KCNK10: variants seen among roughly 807,000 people sequenced by gnomAD.
KCNK10 encodes potassium channel subfamily K member 10.
In KCNK10, 25 loss-of-function variants were observed where a neutral mutation model predicts 47.7. That is an observed-to-expected ratio of 0.52 (90% CI 0.38 to 0.73). KCNK10 has a LOEUF of 0.73. KCNK10 is among the 30% of genes least tolerant of loss of function. The probability of loss-of-function intolerance (pLI) is 0.00; values close to 1 mark genes in which losing one functional copy is unlikely to be tolerated. For missense variants in KCNK10, 563 were observed against 714.5 expected (o/e 0.79, Z 2.42); for synonymous variants, 303 against 285.6 (o/e 1.06, Z -0.61).
chr14:88,251,232 CAAAAAAAAA>C (rs1160023262), intron 2 of KCNK10, among the ~76,000 whole-genome samples: 3 of 70,204 alleles, frequency 4.3e-5, no homozygotes, highest in Admixed American at 1.8e-4. Context: ...GACTCTGTCT[CAAAAAAAAA>C]AAAAAAAAAA....
chr14:88,293,820 C>T lies in KCNK10; in HGVS notation c.52+28927G>A, dbSNP rs187392309. Among the ~76,000 whole-genome samples, 57 of 151,952 alleles carry T rather than the reference C, an allele frequency of 3.8e-4. 1 individual carries two copies. The highest frequency in any genetic ancestry group is 1.4e-3 in the African/African-American group (56 of 41,450). Reference sequence around the variant, plus strand: ...TCTCCCAAGCAGCTGGGACTATAGGCATGCACCACCACACTTGGCTAATTT... The same window carrying T: ...TCTCCCAAGCAGCTGGGACTATAGGTATGCACCACCACACTTGGCTAATTT... On this transcript the variant is annotated intron_variant, in intron 1 of 6. Coordinates refer to ENST00000319231, the MANE Select transcript of KCNK10 (RefSeq NM_138317.3).
chr14:88,326,634 C>G, upstream of KCNK10: 9 of 587,922 alleles, frequency 1.5e-5, no homozygotes, highest in South Asian at 1.9e-4. Flanking sequence ...GCAGGAGACC[C>G]GGGCTGGCGG....
At chr14:88,264,390 T>C (rs74634836) in intron 1 of KCNK10, among the ~76,000 whole-genome samples, 2,051 of 152,364 alleles carry the variant, frequency 0.013, 18 homozygotes, top group Non-Finnish European at 0.021. Context: ...TTCAGTTTTG[T>C]TCTCCCTTTA....
intron 1 of KCNK10, among the ~76,000 whole-genome samples, chr14:88,265,623 A>G (rs1887231273): frequency 6.6e-6 from 1 of 152,244 alleles, no homozygotes; most frequent in Admixed American, 6.5e-5. Context: ...GCCCTCCATT[A>G]GTTCAGGTTT....
At chr14:88,278,626 T>G (rs561707698) in intron 1 of KCNK10, among the ~76,000 whole-genome samples, 19 of 152,314 alleles carry the variant, frequency 1.2e-4, no homozygotes, top group Admixed American at 5.2e-4. Flanking sequence ...TTTTCCTAGA[T>G]AGTTCAATCT....
At chr14:88,261,482 G>C (rs1279874565) in intron 2 of KCNK10, among the ~76,000 whole-genome samples, 1 of 152,228 alleles carries the variant, frequency 6.6e-6, no homozygotes, top group Admixed American at 6.5e-5. Context: ...GATGGGCGTG[G>C]TGACTCACAC....
chr14:88,319,519 C>T (rs1023806021), intron 1 of KCNK10, among the ~76,000 whole-genome samples: 8 of 152,100 alleles, frequency 5.3e-5, no homozygotes, highest in Non-Finnish European at 7.4e-5. Flanking sequence ...AAACTCTGTC[C>T]AGTAGTCACT....
Position 88,180,965 on chromosome 14 carries a change from G to A in KCNK10, c.*4570C>T, listed in dbSNP as rs746651669. 1.5e-5 allele frequency: 6 copies of A among 397,218 alleles called. No homozygotes were observed. The highest frequency in any genetic ancestry group is 2.2e-5 in the Non-Finnish European group (5 of 225,510). 24.6% of individuals were successfully genotyped at this position (397,218 alleles called of 1,614,324 possible). A position where few individuals can be genotyped will look rare whatever the true frequency, so the allele number is the denominator to read the frequency against. ...AGGCCATTACTAGCCAGCTCTTACT[G>A]TTCACTCAGCCACTGTCTTTGCACA... On this transcript the variant is annotated 3_prime_UTR_variant, in exon 7 of 7. Transcript: ENST00000319231.
chr14:88,307,616 A>T (rs1023156635), intron 1 of KCNK10, among the ~76,000 whole-genome samples: 1 of 152,218 alleles, frequency 6.6e-6, no homozygotes, highest in African/African-American at 2.4e-5. Context: ...TATGTAAATT[A>T]TATCTTAATA....
intron 4 of KCNK10, among the ~76,000 whole-genome samples, chr14:88,201,943 C>T (rs1039227515): frequency 6.6e-6 from 1 of 152,204 alleles, no homozygotes; most frequent in Admixed American, 6.5e-5. Flanking sequence ...CAGTGCCCTA[C>T]CCTTTGGTAG....
rs146024770 is a variant in KCNK10 at position 88,246,559 on chromosome 14, A to G, written c.403-5739T>C. ...TCACATATAAATATTCCACAGCCACACAAGTGAATCTTCCAAGGGCAAGGT... is the reference window on the plus strand; with the variant it reads ...TCACATATAAATATTCCACAGCCACGCAAGTGAATCTTCCAAGGGCAAGGT... On this transcript the variant is annotated intron_variant, in intron 2 of 6. Coordinates refer to ENST00000319231, the MANE Select transcript of KCNK10 (RefSeq NM_138317.3). Among the ~76,000 whole-genome samples, 676 of 152,376 alleles carry G rather than the reference A, an allele frequency of 4.4e-3. 7 individuals carry two copies. Among genetic ancestry groups the G allele is most frequent in the African/African-American group, 0.016 (649 of 41,582 alleles).
chr14:88,273,852 T>C (rs565429669), intron 1 of KCNK10, among the ~76,000 whole-genome samples: 25 of 152,212 alleles, frequency 1.6e-4, no homozygotes, highest in African/African-American at 5.5e-4. Context: ...TAGCGCACTT[T>C]ATACAGGAAA....
chr14:88,317,878 C>T (rs1368313946), intron 1 of KCNK10, among the ~76,000 whole-genome samples: 2 of 152,088 alleles, frequency 1.3e-5, no homozygotes, highest in Admixed American at 1.3e-4. Context: ...AAAAAAAATC[C>T]ACCTCCACTC....
chr14:88,230,269 C>T (rs1886119929), intron 3 of KCNK10, among the ~76,000 whole-genome samples: 1 of 152,152 alleles, frequency 6.6e-6, no homozygotes, highest in African/African-American at 2.4e-5. Flanking sequence ...CCTATCTTCC[C>T]TCCAGAAACT....
chr14:88,279,116 C>T (rs1887589917), intron 1 of KCNK10, among the ~76,000 whole-genome samples: 1 of 152,126 alleles, frequency 6.6e-6, no homozygotes, highest in Non-Finnish European at 1.5e-5. Context: ...CATTTCTTTC[C>T]ATTCAGTTAT....
Position 88,186,188 on chromosome 14 carries a change from G to T in KCNK10, c.1012-33C>A. 1 of 1,540,816 alleles carries T rather than the reference G, an allele frequency of 6.5e-7. No individual in the cohort carries two copies. The highest frequency in any genetic ancestry group is 1.3e-5 in the South Asian group (1 of 79,240). On this transcript the variant is annotated intron_variant, in intron 6 of 6. Coordinates refer to ENST00000319231, the MANE Select transcript of KCNK10 (RefSeq NM_138317.3). This position sits in a 1 kb window ranked among gnomAD's most constrained non-coding sequence, Gnocchi z 5.5. ...AGAGACAGAAGAGCAACAATATGCT[G>T]ACAAATGCCTCCCTGCCTTGGCCTC...
At chr14:88,234,749 G>A (rs576239718) in intron 3 of KCNK10, among the ~76,000 whole-genome samples, 1 of 152,276 alleles carries the variant, frequency 6.6e-6, no homozygotes, top group South Asian at 2.1e-4. Flanking sequence ...GAAGATTTTT[G>A]TTGCAGTGCT....
chr14:88,265,463 G>A (rs981194343), intron 1 of KCNK10, among the ~76,000 whole-genome samples: 4 of 152,152 alleles, frequency 2.6e-5, no homozygotes, highest in Non-Finnish European at 4.4e-5. Flanking sequence ...AGAGCCTCCC[G>A]AAGGAACCTG....
In KCNK10 at chr14:88,273,415, G is replaced by A. The variant is rs143617225; in HGVS notation, c.53-9864C>T. Among the ~76,000 whole-genome samples the A allele has an allele frequency of 8.0e-3, 1,219 of 152,240 alleles. 6 individuals carry two copies. The highest frequency in any genetic ancestry group is 0.014 in the Admixed American group (214 of 15,298). ...GCTGTTTTTACCACTTTCTATCTCGGGCTGCCAGGAAACCCTGTTCAACAG... is the reference window on the plus strand; with the variant it reads ...GCTGTTTTTACCACTTTCTATCTCGAGCTGCCAGGAAACCCTGTTCAACAG... On this transcript the variant is annotated intron_variant, in intron 1 of 6. Coordinates refer to ENST00000319231, the MANE Select transcript of KCNK10 (RefSeq NM_138317.3).
Sources: allele counts gnomAD v4.1 joint callset (sites outside exome capture counted in the v4.1 genomes callset), GRCh38; gene constraint gnomAD v4.1.1; non-coding constraint Gnocchi (gnomAD v3.1); transcripts MANE v1.5; gene names NCBI Gene and HGNC (gene_info 2026-07-23, HGNC 2026-07-21).